Variants in HEATR5A observed in about 807,000 individuals in gnomAD.
HEATR5A encodes HEAT repeat-containing protein 5A.
Under a neutral mutation model 218.8 loss-of-function variants are expected in HEATR5A, and 178 were observed. That is an observed-to-expected ratio of 0.81 (90% CI 0.72 to 0.92). The LOEUF (loss-of-function observed/expected upper bound fraction) is 0.92. HEATR5A is among the 40% of genes least tolerant of loss of function. The probability of loss-of-function intolerance (pLI) is 0.00; values close to 1 mark genes in which losing one functional copy is unlikely to be tolerated. For missense variants in HEATR5A, 2,420 were observed against 2,418.9 expected, an observed-to-expected ratio of 1.00 and a Z score of -0.01; for synonymous variants, 864 against 871.6, an observed-to-expected ratio of 0.99 and a Z score of 0.15.
At position 31,295,986 on chromosome 14, in the gene HEATR5A, C is replaced by T. The variant is rs376532699; in HGVS notation, c.5542G>A (p.Glu1848Lys). 3 of 1,613,232 alleles carry T rather than the reference C, an allele frequency of 1.9e-6. No individual in the cohort carries two copies. The highest frequency in any genetic ancestry group is 1.6e-4 in the Middle Eastern group (1 of 6,078). Reference protein sequence around the residue: ...ITVFILSTSPEVTTIPCLQKR... With the variant: ...ITVFILSTSPKVTTIPCLQKR... The stretch of plus-strand genomic sequence containing the variant: ...TGAAGGCATGGGATGGTAGTTACTT[C>T]TGGACTGGTAGACAAAATAAACACT... The change falls in exon 34 of 36, where the codon GAA becomes AAA. Residue 1848 changes from glutamate to lysine, a missense_variant. Glu to Lys is a moderately conservative substitution (Grantham distance 56). Coordinates refer to ENST00000543095, the MANE Select transcript of HEATR5A (RefSeq NM_015473.4).
chr14:31,355,172 G>C (rs539623618), intron 16 of HEATR5A, among the ~76,000 whole-genome samples: 7 of 143,466 alleles, frequency 4.9e-5, no homozygotes, highest in Admixed American at 1.4e-4. Flanking sequence ...CCAGGACTTT[G>C]GGAGGCTGAC....
chr14:31,365,006 C>G lies in HEATR5A; in HGVS notation c.1962-708G>C, dbSNP rs1351202320. Among the ~76,000 whole-genome samples the G allele has an allele frequency of 4.0e-5, 6 of 151,838 alleles. No homozygotes were observed. In the South Asian group the frequency reaches 6.2e-4, roughly 16 times the overall value. Reference sequence around the variant, plus strand: ...TCTTCTGCCTTAGCCTCCCCAATAGCTGGGACTACAGGTGCGCACCACCAT... The same window carrying G: ...TCTTCTGCCTTAGCCTCCCCAATAGGTGGGACTACAGGTGCGCACCACCAT... On this transcript the variant is annotated intron_variant, in intron 13 of 35. Transcript: ENST00000543095.
At position 31,306,747 on chromosome 14, in the gene HEATR5A, T is replaced by G; in HGVS notation, c.4951A>C (p.Arg1651=). ...CAAQEHVKEK[R]RSAEVDDGAA... is the part of the protein sequence containing the mutation. ...TAACATTTACCTTCTGCACTTCGTC[T>G]TTTTTCCTTCACATGTTCTTGAGCA... The change falls in exon 31 of 36, where the codon AGA becomes CGA. Residue 1651 remains arginine, a synonymous_variant. Coordinates refer to ENST00000543095, the MANE Select transcript of HEATR5A (RefSeq NM_015473.4). 10 of 1,608,928 alleles carry G rather than the reference T, an allele frequency of 6.2e-6. No individual in the cohort carries two copies. The highest frequency in any genetic ancestry group is 8.5e-6 in the Non-Finnish European group (10 of 1,177,182).
chr14:31,334,854 G>A (rs1218800822), intron 22 of HEATR5A, among the ~76,000 whole-genome samples: 2 of 149,500 alleles, frequency 1.3e-5, no homozygotes. Flanking sequence ...GCTGAGGCAG[G>A]AGAATGGCGG....
chr14:31,302,937 A>AC (rs1899433077), intron 32 of HEATR5A, among the ~76,000 whole-genome samples: 1 of 78,072 alleles, frequency 1.3e-5, no homozygotes, highest in South Asian at 4.3e-4. Context: ...CTTCATCTTT[A>AC]CAAAAAAAAA....
intron 1 of HEATR5A, among the ~76,000 whole-genome samples, chr14:31,410,221 A>G (rs1191772587): frequency 6.6e-6 from 1 of 152,214 alleles, no homozygotes; most frequent in African/African-American, 2.4e-5. Flanking sequence ...TTACTTCTCT[A>G]AAAGACACCG....
chr14:31,376,355 A>C (rs748001279), intron 11 of HEATR5A, among the ~76,000 whole-genome samples: 7 of 152,200 alleles, frequency 4.6e-5, no homozygotes, highest in Non-Finnish European at 1.0e-4. Flanking sequence ...TCTACAAAAA[A>C]GTAAAAAGTT....
At chr14:31,408,721 C>T (rs1029097118) in intron 1 of HEATR5A, among the ~76,000 whole-genome samples, 2 of 151,580 alleles carry the variant, frequency 1.3e-5, no homozygotes, top group Non-Finnish European at 2.9e-5. Flanking sequence ...AGCCTAGTGA[C>T]TTTATTAGCC....
At chr14:31,358,486 TATTAGCCAAGTGA>T in intron 16 of HEATR5A, 138 bp downstream of exon 16, 1 of 679,520 alleles carries the variant, frequency 1.5e-6, no homozygotes, top group Non-Finnish European at 2.4e-6. Flanking sequence ...TCTTATTAAG[TATTAGCCAAGTGA>T]ATAATTAAAC....
chr14:31,360,870 A>C (rs1292207319), intron 14 of HEATR5A, among the ~76,000 whole-genome samples: 2 of 152,098 alleles, frequency 1.3e-5, no homozygotes, highest in Non-Finnish European at 2.9e-5. Context: ...AGGTCTCACA[A>C]TATTGTCCAG....
intron 1 of HEATR5A, among the ~76,000 whole-genome samples, chr14:31,413,534 G>A (rs1025578018): frequency 6.6e-6 from 1 of 151,908 alleles, no homozygotes; most frequent in Non-Finnish European, 1.5e-5. Context: ...GATTACAAAA[G>A]AGAACACCCC....
intron 13 of HEATR5A, chr14:31,371,448 A>C (rs1902034189): frequency 6.4e-6 from 1 of 156,598 alleles, no homozygotes; most frequent in African/African-American, 2.4e-5. Context: ...TATACGTATA[A>C]CTCAAACTTA....
At chr14:31,407,580 TTATTTATA>T (rs2031115602) in intron 1 of HEATR5A, among the ~76,000 whole-genome samples, 18 of 149,294 alleles carry the variant, frequency 1.2e-4, no homozygotes, top group African/African-American at 4.3e-4. Flanking sequence ...ATCACTTATT[TTATTTATA>T]TATATATATA....
At position 31,326,206 on chromosome 14, in the gene HEATR5A, G is replaced by A; in HGVS notation, c.3504C>T (p.Ser1168=). 1 of 1,613,178 alleles carries A rather than the reference G, an allele frequency of 6.2e-7. No individual in the cohort carries two copies. Among genetic ancestry groups the A allele is most frequent in the Non-Finnish European group, 8.5e-7 (1 of 1,179,402 alleles). The part of the protein sequence containing the change: ...MLTSMAVEKL[S]LWLKLCKDVL... ...CATCTTTACAAAGCTTTAACCACAG[G>A]GAGAGTTTTTCCACTGCCATAGATG... Residue 1168 remains serine, a synonymous_variant, in exon 23 of 36, where the codon TCC becomes TCT. Transcript: ENST00000543095.
chr14:31,411,079 T>C (rs1344345623), intron 1 of HEATR5A, among the ~76,000 whole-genome samples: 4 of 152,172 alleles, frequency 2.6e-5, no homozygotes, highest in Non-Finnish European at 5.9e-5. Flanking sequence ...TTATAGCCAA[T>C]GCTGAAATTT....
Position 31,358,039 on chromosome 14 carries a change from G to A in HEATR5A, c.2411+598C>T, listed in dbSNP as rs1901486628. 3.3e-5 allele frequency among the ~76,000 whole-genome samples: 5 copies of A among 152,130 alleles called. No homozygotes were observed. In the South Asian group the frequency reaches 1.0e-3, roughly 32 times the overall value. Reference sequence around the variant, plus strand: ...TTCTCACAGGAGTGTGAACCCTATTGTCAACTGTGCATGTGAGGGATCTAG... The same window carrying A: ...TTCTCACAGGAGTGTGAACCCTATTATCAACTGTGCATGTGAGGGATCTAG... On this transcript the variant is annotated intron_variant, in intron 16 of 35. Coordinates refer to ENST00000543095, the MANE Select transcript of HEATR5A (RefSeq NM_015473.4).
chr14:31,307,830 T>C, intron 30 of HEATR5A, 63 bp downstream of exon 30: 2 of 1,556,116 alleles, frequency 1.3e-6, no homozygotes, highest in Non-Finnish European at 8.7e-7. Flanking sequence ...TATAGAAACC[T>C]GAACATGTTT....
At chr14:31,398,809 G>C (rs981447267) in intron 3 of HEATR5A, 28 bp from the exon 4 acceptor site, 2 of 1,269,894 alleles carry the variant, frequency 1.6e-6, no homozygotes, top group Non-Finnish European at 2.2e-6. Context: ...TTAGAAATTA[G>C]TCACAGCTGA....
chr14:31,381,563 A>G (rs1349715076), intron 10 of HEATR5A, among the ~76,000 whole-genome samples: 4 of 145,178 alleles, frequency 2.8e-5, no homozygotes, highest in Admixed American at 2.7e-4. Context: ...CCTTGGAAAA[A>G]AAAAAAAAAA....
Sources: allele counts gnomAD v4.1 joint callset (sites outside exome capture counted in the v4.1 genomes callset), GRCh38; gene constraint gnomAD v4.1.1; transcripts MANE v1.5; gene names NCBI Gene and HGNC (gene_info 2026-07-23, HGNC 2026-07-21).